OPCML: variants seen among roughly 807,000 people sequenced by gnomAD.
OPCML encodes the protein opioid binding protein/cell adhesion molecule like.
Under a neutral mutation model 37.8 loss-of-function variants are expected in OPCML, and 13 were observed. The ratio of observed to expected loss-of-function variants is 0.34; its 90% CI spans 0.22 to 0.55. The LOEUF (loss-of-function observed/expected upper bound fraction) is 0.55. Among genes scored for constraint, OPCML ranks in the 20% least tolerant of loss-of-function variants. The pLI is 0.91. For synonymous variants in OPCML, 176 were observed against 168.8 expected (o/e 1.04, Z -0.33); for missense variants, 341 against 435.6 (o/e 0.78, Z 1.93).
chr11:132,927,013 T>A (rs563487724), intron 2 of OPCML, among the ~76,000 whole-genome samples: 1 of 151,774 alleles, frequency 6.6e-6, no homozygotes, highest in Non-Finnish European at 1.5e-5. Flanking sequence ...AGTCTGAAGA[T>A]TAAAGAAAGA....
At position 132,599,347 on chromosome 11, in the gene OPCML, G is replaced by A. The variant is rs1937670676; in HGVS notation, c.379+57740C>T. The stretch of plus-strand genomic sequence containing the variant: ...GGAGAAGAAGGAGGAGGAGGAGGAG[G>A]AAGAAGGAGGAGAAGGAGGAGGAGG... On this transcript the variant is annotated intron_variant, in intron 3 of 7. Coordinates refer to ENST00000524381, the MANE Select transcript of OPCML (RefSeq NM_001012393.5). Among the ~76,000 whole-genome samples, 3 of 140,744 alleles carry A rather than the reference G, an allele frequency of 2.1e-5. No homozygotes were observed. In the South Asian group the frequency reaches 7.4e-4, roughly 35 times the overall value. The allele number at this position is 140,744 out of a possible 152,430, so 92.3% of individuals were successfully genotyped here. A position where few individuals can be genotyped will look rare whatever the true frequency, so the allele number is the denominator to read the frequency against.
intron 3 of OPCML, among the ~76,000 whole-genome samples, chr11:132,581,896 C>T (rs2137637985): frequency 6.6e-6 from 1 of 152,086 alleles, no homozygotes; most frequent in East Asian, 1.9e-4. Flanking sequence ...CTTATGAAGA[C>T]AGACACCTGC....
intron 2 of OPCML, among the ~76,000 whole-genome samples, chr11:132,858,338 C>T (rs548209231): frequency 1.3e-5 from 2 of 152,274 alleles, no homozygotes; most frequent in Non-Finnish European, 2.9e-5. Flanking sequence ...CAGGGTGCCT[C>T]CTTCCTCTTT....
At chr11:133,468,701 G>A (rs1205207456) in intron 1 of OPCML, among the ~76,000 whole-genome samples, 1 of 152,174 alleles carries the variant, frequency 6.6e-6, no homozygotes, top group Admixed American at 6.5e-5. Flanking sequence ...GGATAGCTGA[G>A]AGAAAAAGGC....
intron 4 of OPCML, among the ~76,000 whole-genome samples, chr11:132,513,888 C>A (rs936716484): frequency 6.6e-6 from 1 of 152,144 alleles, no homozygotes; most frequent in Non-Finnish European, 1.5e-5. Flanking sequence ...TTTGAGCTTC[C>A]TGGAGAAAAC....
chr11:133,292,522 A>G (rs1942509229), intron 1 of OPCML, among the ~76,000 whole-genome samples: 1 of 152,220 alleles, frequency 6.6e-6, no homozygotes, highest in African/African-American at 2.4e-5. Flanking sequence ...AATCATCATC[A>G]TAATAATAAC....
chr11:133,251,583 G>A (rs1199285495), intron 1 of OPCML, among the ~76,000 whole-genome samples: 1 of 151,664 alleles, frequency 6.6e-6, no homozygotes, highest in African/African-American at 2.4e-5. Flanking sequence ...TTTTTGGGGG[G>A]GGGAGGGGAC....
chr11:133,384,226 C>G (rs1183279864), intron 1 of OPCML, among the ~76,000 whole-genome samples: 1 of 124,952 alleles, frequency 8.0e-6, no homozygotes, highest in Non-Finnish European at 1.6e-5. Flanking sequence ...AATGCAGCTG[C>G]CAAAGCCAAA....
intron 4 of OPCML, among the ~76,000 whole-genome samples, chr11:132,464,813 A>C (rs938683122): frequency 4.3e-4 from 66 of 152,186 alleles, no homozygotes; most frequent in African/African-American, 1.6e-3. Context: ...CTGATAAAAG[A>C]TTCAAACAAT....
At chr11:132,832,248 G>GAA (rs71067400) in intron 2 of OPCML, among the ~76,000 whole-genome samples, 268 of 143,006 alleles carry the variant, frequency 1.9e-3, no homozygotes, top group African/African-American at 3.8e-3. Flanking sequence ...TTATTTTAAT[G>GAA]AAAAAAAAAA....
intron 4 of OPCML, among the ~76,000 whole-genome samples, chr11:132,499,739 G>A (rs1428811152): frequency 6.6e-6 from 1 of 152,206 alleles, no homozygotes; most frequent in Non-Finnish European, 1.5e-5. Flanking sequence ...GAGTTGTCCT[G>A]AGGATGCAAG....
chr11:133,285,798 G>A (rs1335740959), intron 1 of OPCML, among the ~76,000 whole-genome samples: 2 of 152,176 alleles, frequency 1.3e-5, no homozygotes, highest in African/African-American at 2.4e-5. Flanking sequence ...ACTAATGGAA[G>A]CATATTGGTA....
chr11:132,924,836 C>T (rs1296046296), intron 2 of OPCML, among the ~76,000 whole-genome samples: 2 of 152,116 alleles, frequency 1.3e-5, no homozygotes, highest in African/African-American at 2.4e-5. Context: ...TATTCTCAGT[C>T]ACTATTTCTA....
At chr11:133,240,769 T>C (rs1307542473) in intron 1 of OPCML, among the ~76,000 whole-genome samples, 1 of 152,204 alleles carries the variant, frequency 6.6e-6, no homozygotes, top group Non-Finnish European at 1.5e-5. Flanking sequence ...GTTCTCCTCA[T>C]CACCTCCTTC....
intron 2 of OPCML, among the ~76,000 whole-genome samples, chr11:132,931,609 A>T (rs1346699110): frequency 6.6e-6 from 1 of 152,226 alleles, no homozygotes; most frequent in Non-Finnish European, 1.5e-5. Context: ...GTGAGATGCC[A>T]CTTCTCAGCC....
intron 1 of OPCML, among the ~76,000 whole-genome samples, chr11:133,165,637 G>A (rs550806171): frequency 1.3e-4 from 20 of 152,174 alleles, no homozygotes; most frequent in African/African-American, 4.3e-4. Context: ...TCTTTTCCCC[G>A]AGGGTGGAGG....
intron 3 of OPCML, among the ~76,000 whole-genome samples, chr11:132,540,604 C>A (rs546830602): frequency 6.6e-6 from 1 of 152,238 alleles, no homozygotes; most frequent in South Asian, 2.1e-4. Context: ...GCAGATAGAC[C>A]CAGTCCATTC....
intron 1 of OPCML, among the ~76,000 whole-genome samples, chr11:133,476,907 A>G (rs931353170): frequency 1.3e-5 from 2 of 152,228 alleles, no homozygotes; most frequent in Admixed American, 1.3e-4. Context: ...TATGGCATCA[A>G]TACAGAAGCC....
At chr11:133,008,529 G>C (rs897183832) in intron 1 of OPCML, 1 of 712,832 alleles carries the variant, frequency 1.4e-6, no homozygotes, top group Non-Finnish European at 1.7e-6. Context: ...GCTGTGGAAG[G>C]CTCCCAGCTG....
Sources: allele counts gnomAD v4.1 joint callset (sites outside exome capture counted in the v4.1 genomes callset), GRCh38; gene constraint gnomAD v4.1.1; transcripts MANE v1.5; gene names NCBI Gene and HGNC (gene_info 2026-07-23, HGNC 2026-07-21).